Variants in CUX1 observed in about 807,000 individuals in gnomAD.
CUX1 encodes protein CASP.
A neutral mutation model predicts 158.8 loss-of-function variants in CUX1; 31 were observed. That is an observed-to-expected ratio of 0.20 (90% CI 0.15 to 0.26). CUX1 has a LOEUF of 0.26. Among genes scored for constraint, CUX1 ranks in the 10% least tolerant of loss-of-function variants. The pLI, the probability that CUX1 is intolerant of heterozygous loss-of-function variation, is 1.00. For synonymous variants in CUX1, 879 were observed against 862.1 expected, an observed-to-expected ratio of 1.02 and a Z score of -0.34; for missense variants, 1,589 against 2,014.6, an observed-to-expected ratio of 0.79 and a Z score of 4.04.
chr7:102,024,649 C>T (rs1224731030), intron 2 of CUX1, among the ~76,000 whole-genome samples: 2 of 152,042 alleles, frequency 1.3e-5, no homozygotes, highest in Non-Finnish European at 2.9e-5. Context: ...CCATTCATTC[C>T]CTCATGCACC....
upstream of CUX1, chr7:101,816,106 C>G (rs199911430): frequency 7.4e-7 from 1 of 1,345,320 alleles, no homozygotes; most frequent in Admixed American, 2.2e-5. Context: ...CAGGCTCCTC[C>G]GCGCTCGGCC....
At chr7:101,877,677 ACT>A (rs977606965) in intron 1 of CUX1, among the ~76,000 whole-genome samples, 3 of 151,808 alleles carry the variant, frequency 2.0e-5, no homozygotes, top group Non-Finnish European at 2.9e-5. Flanking sequence ...ACAGAACGAG[ACT>A]CTGTTTCCAA....
intron 23 of CUX1, among the ~76,000 whole-genome samples, chr7:102,242,267 A>C (rs1800315992): frequency 7.2e-6 from 1 of 139,406 alleles, no homozygotes; most frequent in Non-Finnish European, 1.5e-5. Context: ...GCTGGAGTAC[A>C]GCAGCACGAT....
At chr7:101,939,055 AT>A (rs1357626396) in intron 2 of CUX1, among the ~76,000 whole-genome samples, 97 of 77,458 alleles carry the variant, frequency 1.3e-3, no homozygotes, top group African/African-American at 4.2e-3. Flanking sequence ...AAAAAAAAAA[AT>A]ACATATATAT....
At chr7:102,151,168 A>G (rs1006702578) in intron 8 of CUX1, among the ~76,000 whole-genome samples, 15 of 152,190 alleles carry the variant, frequency 9.9e-5, no homozygotes, top group African/African-American at 3.6e-4. Flanking sequence ...ACCCCTGGGC[A>G]TTTTTGTATT....
chr7:101,891,616 C>T (rs1025251659), intron 1 of CUX1, among the ~76,000 whole-genome samples: 2 of 152,170 alleles, frequency 1.3e-5, no homozygotes, highest in Non-Finnish European at 2.9e-5. Context: ...TAAGACAGCC[C>T]GTACCTTCTT....
chr7:101,913,776 C>T (rs1203490117), intron 1 of CUX1, among the ~76,000 whole-genome samples: 1 of 152,190 alleles, frequency 6.6e-6, no homozygotes, highest in East Asian at 1.9e-4. Context: ...CAAAAGCAGT[C>T]ATGTTCTTTT....
intron 22 of CUX1, among the ~76,000 whole-genome samples, chr7:102,237,871 T>C (rs1223804297): frequency 6.7e-6 from 1 of 150,246 alleles, no homozygotes; most frequent in Admixed American, 6.7e-5. Flanking sequence ...TCTCCAATCA[T>C]AGGTAAGGCC....
intron 1 of CUX1, among the ~76,000 whole-genome samples, chr7:101,887,955 A>G (rs923700778): frequency 1.3e-5 from 2 of 151,368 alleles, no homozygotes; most frequent in Non-Finnish European, 2.9e-5. Flanking sequence ...AGGAGAACGC[A>G]TTCAATGTCA....
chr7:102,026,469 G>A (rs1820033819), intron 2 of CUX1, among the ~76,000 whole-genome samples: 1 of 152,144 alleles, frequency 6.6e-6, no homozygotes, highest in Non-Finnish European at 1.5e-5. Context: ...AATTTGCAGA[G>A]TTTTATTTCT....
chr7:102,158,041 C>T (rs558870080), intron 8 of CUX1, among the ~76,000 whole-genome samples: 72 of 152,258 alleles, frequency 4.7e-4, no homozygotes, highest in African/African-American at 1.7e-3. Context: ...CCACCTTCTC[C>T]TGGTTTCCTC....
At position 101,916,574 on chromosome 7, in the gene CUX1, A is replaced by T; in HGVS notation, c.141+349A>T. 1.1e-5 allele frequency: 3 copies of T among 262,284 alleles called. No individual in the cohort carries two copies. In the South Asian group the frequency reaches 1.2e-4, roughly 11 times the overall value. 16.2% of individuals were successfully genotyped at this position (262,284 alleles called of 1,614,324 possible). A position where few individuals can be genotyped will look rare whatever the true frequency, so the allele number is the denominator to read the frequency against. On this transcript the variant is annotated intron_variant, in intron 2 of 23. Transcript: ENST00000292535. The surrounding 1 kb of genome is among the most constrained non-coding windows in gnomAD (Gnocchi z 4.4). ...GTCCCATGTCAGTTAGCAAGCCACC[A>T]AAGTCCATAAGGGATCCTGTGGGGT...
downstream of CUX1, among the ~76,000 whole-genome samples, chr7:102,261,100 G>T (rs1790371996): frequency 6.6e-6 from 1 of 152,236 alleles, no homozygotes; most frequent in East Asian, 1.9e-4. Context: ...GGAGTGACCG[G>T]CCTCCACAGA....
intron 8 of CUX1, among the ~76,000 whole-genome samples, chr7:102,133,877 C>T (rs1312263410): frequency 3.9e-5 from 6 of 152,216 alleles, no homozygotes; most frequent in Non-Finnish European, 7.3e-5. Context: ...ACTGTGACCT[C>T]GTTGCGAGTG....
At chr7:101,970,486 T>G (rs1811818133) in intron 2 of CUX1, among the ~76,000 whole-genome samples, 1 of 152,178 alleles carries the variant, frequency 6.6e-6, no homozygotes, top group Admixed American at 6.5e-5. Flanking sequence ...TTGCAGAACC[T>G]GAGCTCGAGG....
chr7:102,202,857 G>A (rs887500352), intron 18 of CUX1, among the ~76,000 whole-genome samples: 17 of 152,202 alleles, frequency 1.1e-4, no homozygotes, highest in Admixed American at 1.1e-3. Flanking sequence ...GTGCATGGAC[G>A]AGCTTCTAGG....
intron 9 of CUX1, among the ~76,000 whole-genome samples, chr7:102,166,850 C>T (rs1051952201): frequency 6.6e-6 from 1 of 151,998 alleles, no homozygotes; most frequent in South Asian, 2.1e-4. Context: ...CAGAAAGTTG[C>T]GTGAAAGTAA....
chr7:102,039,660 CAAAAAAAAAAA>C (rs951801289), intron 3 of CUX1, among the ~76,000 whole-genome samples: 15 of 90,360 alleles, frequency 1.7e-4, no homozygotes, highest in Admixed American at 1.5e-3. Context: ...GTCTCTATTT[CAAAAAAAAAAA>C]AAAAAAAAGA....
intron 5 of CUX1, 112 bp from the exon 6 acceptor site, chr7:102,104,224 G>C (rs1830094679): frequency 5.9e-6 from 6 of 1,015,492 alleles, no homozygotes; most frequent in Non-Finnish European, 8.6e-6. Context: ...CAGAGTTGAA[G>C]AGCTAAGGTT....
Sources: gnomAD v4.1 joint callset for allele counts (sites outside exome capture counted in the v4.1 genomes callset) on GRCh38, gnomAD v4.1.1 for gene constraint, Gnocchi (gnomAD v3.1) non-coding constraint, MANE v1.5 for transcripts, NCBI Gene and HGNC (gene_info 2026-07-23, HGNC 2026-07-21) for gene names.